Variants in DLG2 observed in about 807,000 individuals in gnomAD.
The protein encoded by DLG2 is disks large homolog 2.
Under a neutral mutation model 132.5 loss-of-function variants are expected in DLG2, and 45 were observed. The observed-to-expected ratio is 0.34, with a 90% CI of 0.27 to 0.44. DLG2 has a LOEUF of 0.44. Ranked by LOEUF, DLG2 falls within the 20% of genes least tolerant of loss-of-function variation. The probability of loss-of-function intolerance (pLI) is 1.00; values close to 1 mark genes in which losing one functional copy is unlikely to be tolerated. For missense variants in DLG2, 1,045 were observed against 1,196.9 expected (o/e 0.87, Z 1.87); for synonymous variants, 424 against 419.6 (o/e 1.01, Z -0.13).
At chr11:83,636,556 C>A (rs1191397565) in intron 18 of DLG2, among the ~76,000 whole-genome samples, 1 of 152,050 alleles carries the variant, frequency 6.6e-6, no homozygotes, top group Admixed American at 6.6e-5. Context: ...CTACCACTTC[C>A]AAATTCTTCT....
chr11:84,028,363 G>T (rs2095599283), intron 11 of DLG2, among the ~76,000 whole-genome samples: 1 of 151,938 alleles, frequency 6.6e-6, no homozygotes, highest in Admixed American at 6.6e-5. Context: ...TGACTATTTG[G>T]CTTGCTCATG....
At chr11:84,888,391 C>T (rs1012477167) in intron 6 of DLG2, among the ~76,000 whole-genome samples, 9 of 152,204 alleles carry the variant, frequency 5.9e-5, no homozygotes, top group East Asian at 5.8e-4. Flanking sequence ...CCTCAGACAT[C>T]AGACCTGCTT....
chr11:84,442,768 T>C lies in DLG2; in HGVS notation c.519+91802A>G, dbSNP rs142585241. On this transcript the variant is annotated intron_variant, in intron 7 of 27. Coordinates refer to ENST00000376104, the MANE Select transcript of DLG2 (RefSeq NM_001142699.3). ...GTGAAGAATGGCCTTGTTACAAATGTATGATGCTCAGGGATAAAATTACTG... is the reference window on the plus strand; with the variant it reads ...GTGAAGAATGGCCTTGTTACAAATGCATGATGCTCAGGGATAAAATTACTG... Among the ~76,000 whole-genome samples the C allele has an allele frequency of 4.5e-3, 679 of 152,122 alleles. 6 individuals are homozygous for C. The highest frequency in any genetic ancestry group is 0.014 in the Middle Eastern group (4 of 294).
intron 17 of DLG2, among the ~76,000 whole-genome samples, chr11:83,803,361 T>A (rs1387295377): frequency 6.6e-6 from 1 of 152,120 alleles, no homozygotes; most frequent in African/African-American, 2.4e-5. Flanking sequence ...GCATTGGCAT[T>A]AATTGTAGAA....
intron 6 of DLG2, among the ~76,000 whole-genome samples, chr11:84,553,202 C>T (rs1162567176): frequency 6.6e-6 from 1 of 152,150 alleles, no homozygotes; most frequent in East Asian, 1.9e-4. Flanking sequence ...TTACCTTTGT[C>T]ACTTTGTATT....
At chr11:84,073,039 T>G (rs889948535) in intron 10 of DLG2, among the ~76,000 whole-genome samples, 1 of 152,232 alleles carries the variant, frequency 6.6e-6, no homozygotes, top group Non-Finnish European at 1.5e-5. Context: ...GATTTGTGGT[T>G]TATGACTTGA....
At chr11:84,887,162 T>C (rs1785580036) in intron 6 of DLG2, 1 of 152,128 alleles carries the variant, frequency 6.6e-6, no homozygotes. Flanking sequence ...AAAAAGACAC[T>C]GAAAAGCACC....
chr11:84,973,624 T>C (rs1316602889), intron 6 of DLG2, among the ~76,000 whole-genome samples: 3 of 152,202 alleles, frequency 2.0e-5, no homozygotes, highest in Non-Finnish European at 4.4e-5. Flanking sequence ...AAATGTCTTA[T>C]ACTTCTTTGC....
intron 16 of DLG2, among the ~76,000 whole-genome samples, chr11:83,857,213 C>T (rs2060670401): frequency 6.6e-6 from 1 of 152,060 alleles, no homozygotes; most frequent in South Asian, 2.1e-4. Flanking sequence ...AGTTTTGGTT[C>T]ATGTAGCCCT....
chr11:83,590,391 C>T (rs2153300944), intron 19 of DLG2, among the ~76,000 whole-genome samples: 1 of 152,272 alleles, frequency 6.6e-6, no homozygotes, highest in African/African-American at 2.4e-5. Context: ...TGAATGACTA[C>T]TGGATACATA....
At position 85,439,356 on chromosome 11, in the gene DLG2, A is replaced by ATT. The variant is rs35516320; in HGVS notation, c.41-153993_41-153992dup. 3.9e-3 allele frequency among the ~76,000 whole-genome samples: 519 copies of ATT among 132,432 alleles called. 3 individuals are homozygous for ATT. The highest frequency in any genetic ancestry group is 5.9e-3 in the Non-Finnish European group (362 of 61,786). 86.9% of individuals were successfully genotyped at this position (132,432 alleles called of 152,430 possible). A position where few individuals can be genotyped will look rare whatever the true frequency, so the allele number is the denominator to read the frequency against. On this transcript the variant is annotated intron_variant, in intron 3 of 27. Transcript: ENST00000376104. ...TACTTTTAGGCTTCGCTTCCTCAGC[A>ATT]TTTTTTTTTTTTTTTTTTGAGACTG...
At chr11:84,698,705 A>G (rs920784644) in intron 6 of DLG2, among the ~76,000 whole-genome samples, 3 of 151,580 alleles carry the variant, frequency 2.0e-5, no homozygotes, top group Non-Finnish European at 4.4e-5. Context: ...GAAATTAATG[A>G]CATATATAAG....
chr11:84,549,720 C>A (rs550492286), intron 6 of DLG2, among the ~76,000 whole-genome samples: 5 of 152,094 alleles, frequency 3.3e-5, no homozygotes, highest in Non-Finnish European at 5.9e-5. Flanking sequence ...CTAACAGGTG[C>A]TTAGGAAATA....
intron 7 of DLG2, among the ~76,000 whole-genome samples, chr11:84,286,010 A>C (rs2097906257): frequency 1.3e-5 from 2 of 152,182 alleles, no homozygotes; most frequent in African/African-American, 2.4e-5. Flanking sequence ...TGGTTCAATG[A>C]GAGGCCCCTG....
At chr11:85,269,450 C>T (rs2077395488) in intron 4 of DLG2, among the ~76,000 whole-genome samples, 1 of 152,160 alleles carries the variant, frequency 6.6e-6, no homozygotes, top group African/African-American at 2.4e-5. Flanking sequence ...CTTAGGATTC[C>T]ATGACTCCCC....
intron 17 of DLG2, among the ~76,000 whole-genome samples, chr11:83,807,883 A>G (rs1182846443): frequency 6.6e-6 from 1 of 152,112 alleles, no homozygotes; most frequent in Non-Finnish European, 1.5e-5. Flanking sequence ...TGTGTGGTGC[A>G]CACACTGTGT....
chr11:83,685,645 T>G (rs1278671346), intron 18 of DLG2, among the ~76,000 whole-genome samples: 4 of 152,046 alleles, frequency 2.6e-5, no homozygotes, highest in Admixed American at 2.6e-4. Context: ...AGGCTAGCCA[T>G]CCGGTATCAA....
At chr11:84,974,623 A>C (rs538123234) in intron 6 of DLG2, among the ~76,000 whole-genome samples, 2 of 152,294 alleles carry the variant, frequency 1.3e-5, no homozygotes, top group East Asian at 3.9e-4. Flanking sequence ...ATTGTTAAGG[A>C]ATCCAGAATT....
In DLG2 at chr11:85,419,174, G is replaced by A. The variant is rs148487195; in HGVS notation, c.41-133809C>T. On this transcript the variant is annotated intron_variant, in intron 3 of 27. Coordinates refer to ENST00000376104, the MANE Select transcript of DLG2 (RefSeq NM_001142699.3). ...GTGTAAGAAATTCTATTTCTCCTTC[G>A]CTTATGAAGCTTAGTTTGGCTACAT... Among the ~76,000 whole-genome samples, 15 of 152,130 alleles carry A rather than the reference G, an allele frequency of 9.9e-5. No homozygotes were observed. In the East Asian group the frequency reaches 1.2e-3, roughly 12 times the overall value.
Sources: gnomAD v4.1 joint callset for allele counts (sites outside exome capture counted in the v4.1 genomes callset) on GRCh38, gnomAD v4.1.1 for gene constraint, MANE v1.5 for transcripts, NCBI Gene and HGNC (gene_info 2026-07-23, HGNC 2026-07-21) for gene names.